SYCP2: variants seen among roughly 807,000 people sequenced by gnomAD.
SYCP2 encodes the protein synaptonemal complex lateral element protein.
Under a neutral mutation model 211.3 loss-of-function variants are expected in SYCP2, and 55 were observed. The ratio of observed to expected loss-of-function variants is 0.26; its 90% confidence interval spans 0.21 to 0.33. The LOEUF is 0.33. Among genes scored for constraint, SYCP2 ranks in the 10% least tolerant of loss-of-function variants. SYCP2 has a pLI of 1.00. For synonymous variants in SYCP2, 570 were observed against 555.2 expected (o/e 1.03, Z -0.37); for missense variants, 1,731 against 1,752.0 (o/e 0.99, Z 0.21).
Position 59,922,405 on chromosome 20 carries a change from T to A in SYCP2, c.9A>T (p.Ile3=), listed in dbSNP as rs773037747. 1 of 1,568,412 alleles carries A rather than the reference T, an allele frequency of 6.4e-7. No individual in the cohort carries two copies. Among genetic ancestry groups the A allele is most frequent in the Non-Finnish European group, 8.6e-7 (1 of 1,164,396 alleles). The change falls in exon 3 of 45, where the codon ATA becomes ATT. Residue 3 remains isoleucine, a synonymous_variant. Coordinates refer to ENST00000357552, the MANE Select transcript of SYCP2 (RefSeq NM_014258.4). ...GACTACATACCTGGAGATCTGGTCT[T>A]ATTGGCATTTTGACTTCATTTAAAA... MP[I]RPDLQQLEKC...
intron 31 of SYCP2, among the ~76,000 whole-genome samples, chr20:59,879,020 A>G (rs2059613255): frequency 6.6e-6 from 1 of 152,134 alleles, no homozygotes; most frequent in Non-Finnish European, 1.5e-5. Flanking sequence ...GTTAAATTTT[A>G]TAAATATTTA....
intron 15 of SYCP2, among the ~76,000 whole-genome samples, chr20:59,904,700 T>C (rs566728119): frequency 3.2e-4 from 49 of 152,282 alleles, no homozygotes; most frequent in African/African-American, 1.2e-3. Context: ...TAGTCTGTAT[T>C]AGTCTGCTAT....
intron 31 of SYCP2, 126 bp from the exon 32 acceptor site, chr20:59,878,171 T>TTA (rs138174289): frequency 0.023 from 15,576 of 688,580 alleles, 221 homozygotes; most frequent in Middle Eastern, 0.034. Flanking sequence ...AAAGCATGTG[T>TTA]TAGCATTTAA....
Position 59,875,345 on chromosome 20 carries a change from G to C in SYCP2, c.3275C>G (p.Ala1092Gly). 3 of 1,611,756 alleles carry C rather than the reference G, an allele frequency of 1.9e-6. No homozygotes were observed. Among genetic ancestry groups the C allele is most frequent in the Non-Finnish European group, 2.5e-6 (3 of 1,178,472 alleles). The change falls in exon 34 of 45, where the codon GCT becomes GGT. Residue 1092 changes from alanine to glycine, a missense_variant. Physicochemically the swap from Ala to Gly is moderately conservative, Grantham distance 60. Around this residue, in one of 3 missense-constraint regions of SYCP2, gnomAD observed 1,387 missense variants for 1,351.3 expected, o/e 1.03. Coordinates refer to ENST00000357552, the MANE Select transcript of SYCP2 (RefSeq NM_014258.4). ...TAAGTCAAGGCAATTATCTCGTATA[G>C]CATCTTTTAGTAGAGATGAGTTTTT... ...QWKNSSLLKD[A>G]IRDNCLDLSP...
chr20:59,894,584 C>G (rs1031149418), intron 20 of SYCP2, among the ~76,000 whole-genome samples: 1 of 151,902 alleles, frequency 6.6e-6, no homozygotes, highest in Non-Finnish European at 1.5e-5. Context: ...TATTTATGAA[C>G]ATATTTATGC....
At chr20:59,930,055 T>G (rs548385503) in intron 2 of SYCP2, among the ~76,000 whole-genome samples, 1 of 152,220 alleles carries the variant, frequency 6.6e-6, no homozygotes, top group Admixed American at 6.5e-5. Context: ...CACTATCTCT[T>G]ATTACTGAGC....
intron 24 of SYCP2, among the ~76,000 whole-genome samples, chr20:59,888,392 TAATC>T (rs947079850): frequency 1.2e-4 from 18 of 152,024 alleles, no homozygotes; most frequent in Non-Finnish European, 2.2e-4. Flanking sequence ...TAATTTAAAA[TAATC>T]AATCAATCAA....
At chr20:59,887,394 T>A (rs906781217) in intron 24 of SYCP2, among the ~76,000 whole-genome samples, 1 of 152,190 alleles carries the variant, frequency 6.6e-6, no homozygotes, top group African/African-American at 2.4e-5. Context: ...ATCCAGTCTA[T>A]CATTGAGGGA....
chr20:59,913,158 G>A (rs181953179), intron 12 of SYCP2, among the ~76,000 whole-genome samples: 7 of 152,270 alleles, frequency 4.6e-5, no homozygotes, highest in Admixed American at 4.6e-4. Context: ...TAAATTCACA[G>A]AATTCTTTCT....
At chr20:59,876,700 T>A (rs144010139) in intron 33 of SYCP2, among the ~76,000 whole-genome samples, 82 of 152,170 alleles carry the variant, frequency 5.4e-4, no homozygotes, top group African/African-American at 1.9e-3. Flanking sequence ...ATGAGATTTT[T>A]AGACATTAAA....
intron 3 of SYCP2, among the ~76,000 whole-genome samples, chr20:59,922,141 A>G (rs1404000489): frequency 6.6e-6 from 1 of 151,726 alleles, no homozygotes; most frequent in Non-Finnish European, 1.5e-5. Flanking sequence ...GAATCAGTGC[A>G]TAATTCTTTT....
Position 59,875,298 on chromosome 20 carries a change from T to A in SYCP2, c.3322A>T (p.Ser1108Cys). 1 of 1,610,144 alleles carries A rather than the reference T, an allele frequency of 6.2e-7. No homozygotes were observed. ...LDLSPRSLSG[S>C]PSSIEVTRCI... is the part of the protein sequence containing the mutation. ...CTCGTTACTTCTATAGATGATGGAC[T>A]GCCAGATAAAGATCTGGGAGATAAG... Residue 1108 changes from serine to cysteine, a missense_variant, in exon 34 of 45, where the codon AGT becomes TGT. Coordinates refer to ENST00000357552, the MANE Select transcript of SYCP2 (RefSeq NM_014258.4).
At chr20:59,898,324 G>A (rs1171639101) in intron 18 of SYCP2, among the ~76,000 whole-genome samples, 1 of 152,078 alleles carries the variant, frequency 6.6e-6, no homozygotes, top group Non-Finnish European at 1.5e-5. Flanking sequence ...CAACCCAAAT[G>A]CCCATCAATG....
intron 14 of SYCP2, among the ~76,000 whole-genome samples, chr20:59,909,750 G>A (rs1239376176): frequency 6.6e-6 from 1 of 152,128 alleles, no homozygotes; most frequent in African/African-American, 2.4e-5. Flanking sequence ...CCACTGAATA[G>A]CTATAAACTA....
intron 31 of SYCP2, among the ~76,000 whole-genome samples, chr20:59,879,052 A>G (rs942566426): frequency 9.2e-5 from 14 of 152,130 alleles, no homozygotes; most frequent in African/African-American, 3.1e-4. Flanking sequence ...AACCTCTAAC[A>G]TCTTCGTGAG....
chr20:59,930,952 T>C (rs1180820738), intron 2 of SYCP2, among the ~76,000 whole-genome samples: 1 of 152,214 alleles, frequency 6.6e-6, no homozygotes, highest in Non-Finnish European at 1.5e-5. Flanking sequence ...CAATAGTAAA[T>C]AAGTAAAAGT....
intron 17 of SYCP2, among the ~76,000 whole-genome samples, 184 bp downstream of exon 17, chr20:59,900,560 C>A (rs1420571055): frequency 6.6e-6 from 1 of 152,052 alleles, no homozygotes; most frequent in Non-Finnish European, 1.5e-5. Flanking sequence ...AATAACCCTA[C>A]TCTTTACACT....
chr20:59,874,592 T>C (rs1252959528), intron 34 of SYCP2, among the ~76,000 whole-genome samples: 1 of 152,102 alleles, frequency 6.6e-6, no homozygotes, highest in Non-Finnish European at 1.5e-5. Flanking sequence ...TGGTCCTTAG[T>C]ACTGAGAACA....
chr20:59,932,674 G>A (rs1444762365), intron 1 of SYCP2, among the ~76,000 whole-genome samples: 2 of 151,946 alleles, frequency 1.3e-5, no homozygotes, highest in Non-Finnish European at 2.9e-5. Flanking sequence ...ACTCCGTCTC[G>A]GGAAAAAAAA....
Sources: allele counts gnomAD v4.1 joint callset (sites outside exome capture counted in the v4.1 genomes callset), GRCh38; gene constraint gnomAD v4.1.1; regional missense constraint gnomAD v4.1.1; transcripts MANE v1.5; gene names NCBI Gene and HGNC (gene_info 2026-07-23, HGNC 2026-07-21).